Variants in AR observed in about 807,000 individuals in gnomAD.
AR encodes dihydrotestosterone receptor.
In AR, 8 loss-of-function variants were observed where a neutral mutation model predicts 53.9. The ratio of observed to expected loss-of-function variants is 0.15; its 90% CI spans 0.09 to 0.27. The LOEUF is 0.27. AR is among the 10% of genes least tolerant of loss of function. The probability of loss-of-function intolerance (pLI) is 1.00; values close to 1 mark genes in which losing one functional copy is unlikely to be tolerated. For synonymous variants in AR, 359 were observed against 316.4 expected (o/e 1.13, Z -1.43); for missense variants, 639 against 742.5 (o/e 0.86, Z 1.62).
chrX:67,635,581 AGG>A (rs1480816115), intron 1 of AR, among the ~76,000 whole-genome samples: 3 of 110,857 alleles, frequency 2.7e-5, no homozygotes, highest in African/African-American at 9.8e-5. Flanking sequence ...GAAAGGAGTC[AGG>A]GAGAGAGAGA....
chrX:67,553,123 A>G (rs1421899427), intron 1 of AR, among the ~76,000 whole-genome samples: 1 of 112,012 alleles, frequency 8.9e-6, no homozygotes, highest in Non-Finnish European at 1.9e-5. Context: ...CGTCGTATCT[A>G]AGAAGTCTTT....
rs2147317057 is a variant in AR, at chrX:67,545,700, T to C, written c.554T>C (p.Leu185Pro). ...SSCSADLKDI[L>P]SEASTMQLLQ... The stretch of plus-strand genomic sequence containing the variant: ...TGCTCCGCTGACCTTAAAGACATCC[T>C]GAGCGAGGCCAGCACCATGCAACTC... The change falls in exon 1 of 8, where the codon CTG (leucine) becomes CCG (proline). Residue 185 changes from leucine (L) to proline (P), a missense_variant. Physicochemically the swap from Leu to Pro is moderately conservative, Grantham distance 98. Coordinates refer to ENST00000374690, the MANE Select transcript of AR (RefSeq NM_000044.6). 1 of 1,208,691 alleles carries C rather than the reference T, an allele frequency of 8.3e-7. No individual in the cohort carries two copies.
intron 3 of AR, chrX:67,695,323 C>G (rs749826175): frequency 9.4e-5 from 71 of 752,313 alleles, no homozygotes; most frequent in Non-Finnish European, 1.0e-4. Flanking sequence ...AGTAGCTGAT[C>G]CACAGAAGTT....
At chrX:67,719,098 T>C (rs1364906606) in intron 5 of AR, among the ~76,000 whole-genome samples, 3 of 111,265 alleles carry the variant, frequency 2.7e-5, no homozygotes, top group Non-Finnish European at 5.7e-5. Context: ...TTCCTTCCAG[T>C]ACAGCACTGC....
At chrX:67,572,142 T>A (rs1009057429) in intron 1 of AR, among the ~76,000 whole-genome samples, 1 of 111,737 alleles carries the variant, frequency 8.9e-6, no homozygotes, top group Non-Finnish European at 1.9e-5. Context: ...ATTTTTCATA[T>A]AGTAAAATTT....
intron 2 of AR, among the ~76,000 whole-genome samples, chrX:67,661,125 G>T: frequency 9.0e-6 from 1 of 111,485 alleles, no homozygotes; most frequent in South Asian, 3.8e-4. Context: ...TGAGACGATG[G>T]GGTTTTCTAG....
chrX:67,689,587 G>A (rs2075984979), intron 3 of AR: 3 of 960,426 alleles, frequency 3.1e-6, no homozygotes, highest in East Asian at 7.8e-5. Flanking sequence ...GAATCTTGAG[G>A]GTGTTTGGAG....
intron 2 of AR, among the ~76,000 whole-genome samples, chrX:67,665,532 T>C (rs1252611926): frequency 2.7e-5 from 3 of 112,347 alleles, no homozygotes; most frequent in African/African-American, 6.5e-5. Flanking sequence ...GACTCTCTTT[T>C]AGTCATGTCA....
At chrX:67,627,134 G>T (rs1455149506) in intron 1 of AR, among the ~76,000 whole-genome samples, 14 of 110,579 alleles carry the variant, frequency 1.3e-4, no homozygotes, top group Non-Finnish European at 1.9e-5. Flanking sequence ...ATAGTCCTTT[G>T]GGTATATACC....
At chrX:67,710,569 G>A (rs2076089864) in intron 3 of AR, among the ~76,000 whole-genome samples, 1 of 111,027 alleles carries the variant, frequency 9.0e-6, no homozygotes, top group African/African-American at 3.3e-5. Context: ...CTGGCCTCAA[G>A]CACTCCTCCC....
chrX:67,651,186 G>A (rs904384772), intron 2 of AR, among the ~76,000 whole-genome samples: 31 of 100,136 alleles, frequency 3.1e-4, no homozygotes, highest in African/African-American at 1.0e-3. Flanking sequence ...GACTACAGGG[G>A]CTCATCACCA....
At chrX:67,550,533 T>C (rs1378394652) in intron 1 of AR, among the ~76,000 whole-genome samples, 1 of 110,395 alleles carries the variant, frequency 9.1e-6, no homozygotes, top group Non-Finnish European at 1.9e-5. Context: ...TTATTTTTAA[T>C]GGTGATATCA....
intron 1 of AR, among the ~76,000 whole-genome samples, chrX:67,606,070 A>T (rs184479984): frequency 9.0e-6 from 1 of 111,546 alleles, no homozygotes; most frequent in East Asian, 2.8e-4. Context: ...TTTAAATTTC[A>T]TAGTGTACAT....
At chrX:67,575,849 T>C (rs1408557230) in intron 1 of AR, among the ~76,000 whole-genome samples, 2 of 111,908 alleles carry the variant, frequency 1.8e-5, no homozygotes, top group Non-Finnish European at 3.8e-5. Flanking sequence ...ATCTGGTTTG[T>C]TTTTGTTGGT....
chrX:67,666,985 T>C (rs1927299393), intron 2 of AR, among the ~76,000 whole-genome samples: 1 of 111,428 alleles, frequency 9.0e-6, no homozygotes, highest in Non-Finnish European at 1.9e-5. Flanking sequence ...ATGGGTAGTT[T>C]GCAAATAGTT....
chrX:67,706,132 C>G (rs2076066052), intron 3 of AR, among the ~76,000 whole-genome samples: 2 of 111,574 alleles, frequency 1.8e-5, no homozygotes, highest in South Asian at 3.8e-4. Flanking sequence ...CTCTGCCAGG[C>G]TTTGGTATCA....
At chrX:67,632,207 C>T (rs1925179816) in intron 1 of AR, among the ~76,000 whole-genome samples, 1 of 113,367 alleles carries the variant, frequency 8.8e-6, no homozygotes, top group African/African-American at 3.2e-5. Flanking sequence ...CCTAAGCAAG[C>T]CTGGGCAATG....
chrX:67,599,958 C>T (rs994403061), intron 1 of AR, among the ~76,000 whole-genome samples: 2 of 111,196 alleles, frequency 1.8e-5, no homozygotes, highest in Non-Finnish European at 3.8e-5. Flanking sequence ...TTGGTATATG[C>T]AAATGTGCAT....
rs2147313490 is a variant in AR, at chrX:67,545,083, T to C, written c.-64T>C. The C allele has an allele frequency of 8.7e-7, 1 of 1,149,023 alleles. No individual in the cohort carries two copies. Among genetic ancestry groups the C allele is most frequent in the African/African-American group, 1.8e-5 (1 of 55,528 alleles). The allele number at this position is 1,149,023 out of a possible 1,213,427, so 94.7% of individuals were successfully genotyped here. A position where few individuals can be genotyped will look rare whatever the true frequency, so the allele number is the denominator to read the frequency against. ...CGCATCATCACAGCCTGTTGAACTC[T>C]TCTGAGCAAGAGAAGGGGAGGCGGG... On this transcript the variant is annotated 5_prime_UTR_variant, in exon 1 of 8. Transcript: ENST00000374690.
Sources: gnomAD v4.1 joint callset for allele counts (sites outside exome capture counted in the v4.1 genomes callset) on GRCh38, gnomAD v4.1.1 for gene constraint, MANE v1.5 for transcripts, NCBI Gene and HGNC (gene_info 2026-07-23, HGNC 2026-07-21) for gene names.